The following MAML1 variants were observed in gnomAD, a reference collection of about 807,000 sequenced individuals.
MAML1 encodes the protein mastermind like transcriptional coactivator 1.
Under a neutral mutation model 77.1 loss-of-function variants are expected in MAML1, and 14 were observed. That is an observed-to-expected ratio of 0.18 (90% confidence interval 0.12 to 0.28). The LOEUF (loss-of-function observed/expected upper bound fraction) is 0.28, where lower values mean the gene tolerates loss of function less well. Among genes scored for constraint, MAML1 ranks in the 10% least tolerant of loss-of-function variants. The probability of loss-of-function intolerance (pLI) is 1.00; values close to 1 mark genes in which losing one functional copy is unlikely to be tolerated. For missense variants in MAML1, 1,217 were observed against 1,327.8 expected (o/e 0.92, Z 1.30); for synonymous variants, 516 against 551.9 (o/e 0.93, Z 0.91).
At chr5:179,748,968 T>TTTTG (rs368082243) in intron 1 of MAML1, among the ~76,000 whole-genome samples, 15 of 152,140 alleles carry the variant, frequency 9.9e-5, no homozygotes, top group African/African-American at 3.4e-4. Flanking sequence ...TTTTTTTGTT[T>TTTTG]TTTGTTTGTT....
At chr5:179,748,539 A>T (rs1172368705) in intron 1 of MAML1, among the ~76,000 whole-genome samples, 1 of 152,248 alleles carries the variant, frequency 6.6e-6, no homozygotes, top group African/African-American at 2.4e-5. Flanking sequence ...AAGGCATATC[A>T]ATAAAATTTA....
intron 1 of MAML1, 69 bp downstream of exon 1, chr5:179,733,496 C>T: frequency 1.9e-6 from 2 of 1,050,412 alleles, no homozygotes; most frequent in Non-Finnish European, 2.3e-6. Context: ...TCCTCTGACG[C>T]GGATCGGGCC....
At chr5:179,744,393 G>C (rs572674438) in intron 1 of MAML1, among the ~76,000 whole-genome samples, 1 of 152,010 alleles carries the variant, frequency 6.6e-6, no homozygotes, top group Non-Finnish European at 1.5e-5. Flanking sequence ...CACAATGTTG[G>C]CCAGGCTGGT....
chr5:179,737,204 A>T (rs1248557312), intron 1 of MAML1, among the ~76,000 whole-genome samples: 4 of 152,202 alleles, frequency 2.6e-5, no homozygotes, highest in African/African-American at 4.8e-5. Flanking sequence ...TTATCACATT[A>T]AACCTTGACT....
chr5:179,747,071 T>C (rs563534703), intron 1 of MAML1, among the ~76,000 whole-genome samples: 56 of 152,288 alleles, frequency 3.7e-4, no homozygotes, highest in African/African-American at 1.3e-3. Context: ...TATTCATAGG[T>C]GCTATCATGG....
rs62406189 is a variant in MAML1 at position 179,773,908 on chromosome 5, C to G, written c.2082C>G (p.Ala694=). Residue 694 remains alanine, a synonymous_variant, in exon 5 of 5, where the codon GCC becomes GCG. Coordinates refer to ENST00000292599, the MANE Select transcript of MAML1 (RefSeq NM_014757.5). ...TCTGTCTTGTAGGGTCCTCTGCTGC[C>G]GTGCCCGGCATGAACACCTTGGGTC... ...QVGQFTGSSA[A]VPGMNTLGPS... The G allele has an allele frequency of 0.021, 34,380 of 1,613,022 alleles. 413 individuals carry two copies. The highest frequency in any genetic ancestry group is 0.024 in the Non-Finnish European group (28,814 of 1,179,106).
intron 2 of MAML1, among the ~76,000 whole-genome samples, chr5:179,768,621 C>A (rs78467789): frequency 0.013 from 1,927 of 152,306 alleles, 34 homozygotes; most frequent in African/African-American, 0.044. Flanking sequence ...TGGTGAATCA[C>A]TGGGAGTAAA....
At chr5:179,749,357 C>T (rs551464024) in intron 1 of MAML1, among the ~76,000 whole-genome samples, 32 of 152,262 alleles carry the variant, frequency 2.1e-4, no homozygotes, top group East Asian at 9.7e-4. Context: ...AACTCCCAAC[C>T]TCAAGTGATC....
In MAML1 at chr5:179,733,207, G is replaced by T; in HGVS notation, c.95G>T (p.Arg32Leu). The T allele has an allele frequency of 6.8e-7, 1 of 1,477,722 alleles. No individual in the cohort carries two copies. The allele number at this position is 1,477,722 out of a possible 1,614,324, so 91.5% of individuals were successfully genotyped here. The change falls in exon 1 of 5, where the codon CGC becomes CTC. Residue 32 changes from arginine to leucine, a missense_variant. By Grantham distance (102) the Arg-to-Leu change is moderately radical. This residue lies in a region of MAML1 where 312 missense variants were observed against 331.4 expected (regional missense o/e 0.94). Coordinates refer to ENST00000292599, the MANE Select transcript of MAML1 (RefSeq NM_014757.5). ...RLRRRIELCR[R>L]HHSTCEARYE... ...CGCCGGCGCATCGAGCTGTGCCGGC[G>T]CCACCACAGCACCTGCGAGGCCCGC...
intron 1 of MAML1, among the ~76,000 whole-genome samples, chr5:179,743,983 A>G (rs932539218): frequency 1.1e-4 from 16 of 152,184 alleles, no homozygotes; most frequent in Non-Finnish European, 2.2e-4. Flanking sequence ...TGGAATCCGA[A>G]TATCTTAGCG....
Position 179,775,215 on chromosome 5 carries a change from G to A in MAML1, c.*338G>A. 1.9e-6 allele frequency: 2 copies of A among 1,042,612 alleles called. No individual in the cohort carries two copies. Among genetic ancestry groups the A allele is most frequent in the South Asian group, 8.6e-5 (2 of 23,122 alleles). The allele number at this position is 1,042,612 out of a possible 1,614,324, so 64.6% of individuals were successfully genotyped here. ...CACACTGTCGGGCTTATAAAAATCTGTGCCATCATGGTGATTTTATCCAAG... is the reference window on the plus strand; with the variant it reads ...CACACTGTCGGGCTTATAAAAATCTATGCCATCATGGTGATTTTATCCAAG... On this transcript the variant is annotated 3_prime_UTR_variant, in exon 5 of 5. Coordinates refer to ENST00000292599, the MANE Select transcript of MAML1 (RefSeq NM_014757.5).
At chr5:179,768,686 A>C (rs1428713883) in intron 2 of MAML1, among the ~76,000 whole-genome samples, 164 bp from the exon 3 acceptor site, 1 of 152,206 alleles carries the variant, frequency 6.6e-6, no homozygotes, top group African/African-American at 2.4e-5. Flanking sequence ...CTCAGATGTC[A>C]TCACTTTTGG....
At position 179,769,921 on chromosome 5, in the gene MAML1, T is replaced by A. The variant is rs1755940719; in HGVS notation, c.1971+832T>A. Among the ~76,000 whole-genome samples the A allele has an allele frequency of 6.6e-6, 1 of 152,206 alleles. No individual in the cohort carries two copies. The highest frequency in any genetic ancestry group is 1.5e-5 in the Non-Finnish European group (1 of 68,038). Reference sequence around the variant, plus strand: ...AGGTTCATTGAGGACAATCCCTGCCTCAGTTCTGCCTTTAAGAAAAGCAGC... The same window carrying A: ...AGGTTCATTGAGGACAATCCCTGCCACAGTTCTGCCTTTAAGAAAAGCAGC... On this transcript the variant is annotated intron_variant, in intron 3 of 4. Transcript: ENST00000292599. This position sits in a 1 kb window ranked among gnomAD's most constrained non-coding sequence, Gnocchi z 4.2.
Position 179,765,775 on chromosome 5 carries a change from C to T in MAML1, c.765C>T (p.Ile255=), listed in dbSNP as rs575822811. The change falls in exon 2 of 5, where the codon ATC becomes ATT. Residue 255 remains isoleucine, a synonymous_variant. Transcript: ENST00000292599. ...ACGAGCAGGAGTGGAAGGAGCTCAT[C>T]GAGGAGCTGAACAGGTCGGTGCCCG... The part of the protein sequence containing the change: ...NLNEQEWKEL[I]EELNRSVPDE... 1.6e-5 allele frequency: 26 copies of T among 1,614,128 alleles called. No individual in the cohort carries two copies. The East Asian group carries it at 4.2e-4, about 26-fold the overall frequency.
chr5:179,765,644 C>G lies in MAML1; in HGVS notation c.634C>G (p.Leu212Val), dbSNP rs1779803038. The change falls in exon 2 of 5, where the codon CTG becomes GTG. Residue 212 changes from leucine (L) to valine (V), a missense_variant. Coordinates refer to ENST00000292599, the MANE Select transcript of MAML1 (RefSeq NM_014757.5). ...CCCCAGTGAGTCATTTCCTCTGAGC[C>G]TGAATAAAGAACTGAAGCAGGAGCC... ...SNPSESFPLS[L>V]NKELKQEPVE... 2 of 1,614,060 alleles carry G rather than the reference C, an allele frequency of 1.2e-6. No homozygotes were observed. The highest frequency in any genetic ancestry group is 1.7e-6 in the Non-Finnish European group (2 of 1,180,040).
intron 1 of MAML1, among the ~76,000 whole-genome samples, chr5:179,755,662 C>G (rs1235673080): frequency 1.3e-5 from 2 of 150,166 alleles, no homozygotes; most frequent in South Asian, 2.1e-4. Flanking sequence ...AACACAAATT[C>G]ATAAACTTTC....
intron 1 of MAML1, among the ~76,000 whole-genome samples, chr5:179,763,561 G>A (rs186692681): frequency 6.6e-6 from 1 of 152,168 alleles, no homozygotes; most frequent in Admixed American, 6.5e-5. Context: ...TAACAGTTAA[G>A]AAATAAGCAA....
chr5:179,751,311 A>C (rs1288353536), intron 1 of MAML1, among the ~76,000 whole-genome samples: 4 of 152,188 alleles, frequency 2.6e-5, no homozygotes, highest in African/African-American at 9.6e-5. Flanking sequence ...GAGGGTAGCC[A>C]TCAGCCAGGT....
chr5:179,774,316 A>C lies in MAML1; in HGVS notation c.2490A>C (p.Pro830=). The change falls in exon 5 of 5, where the codon CCA becomes CCC. Residue 830 remains proline (P), a synonymous_variant. Coordinates refer to ENST00000292599, the MANE Select transcript of MAML1 (RefSeq NM_014757.5). ...LTKPPVPRVS[P]AMGGQNSSWQ... ...AGCCACCGGTCCCAAGGGTGTCACC[A>C]GCCATGGGAGGCCAGAATTCCTCCT... 6.2e-7 allele frequency: 1 copy of C among 1,613,462 alleles called. No homozygotes were observed. Among genetic ancestry groups the C allele is most frequent in the South Asian group, 1.1e-5 (1 of 91,084 alleles).
Sources: allele counts gnomAD v4.1 joint callset (sites outside exome capture counted in the v4.1 genomes callset), GRCh38; gene constraint gnomAD v4.1.1; regional missense constraint gnomAD v4.1.1; non-coding constraint Gnocchi (gnomAD v3.1); transcripts MANE v1.5; gene names NCBI Gene and HGNC (gene_info 2026-07-23, HGNC 2026-07-21).